The following MBOAT7 variants were observed in gnomAD, a reference collection of about 807,000 sequenced individuals.
MBOAT7 encodes the protein membrane bound acylglycerophosphatidylinositol O-acyltransferase MBOAT7.
MBOAT7 carries 40 observed loss-of-function variants against 47.4 expected under a neutral mutation model. The ratio of observed to expected loss-of-function variants is 0.84; its 90% CI spans 0.66 to 1.10. MBOAT7 has a LOEUF of 1.10. Ranked by LOEUF, MBOAT7 falls within the 50% of genes least tolerant of loss-of-function variation. The pLI is 0.00. For synonymous variants in MBOAT7, 361 were observed against 292.0 expected, an observed-to-expected ratio of 1.24 and a Z score of -2.41; for missense variants, 680 against 655.6, an observed-to-expected ratio of 1.04 and a Z score of -0.41.
chr19:54,182,847 C>T (rs2076326746), intron 5 of MBOAT7, among the ~76,000 whole-genome samples: 2 of 151,802 alleles, frequency 1.3e-5, no homozygotes. Flanking sequence ...ATTACAGGCA[C>T]ACACCACCAT....
At chr19:54,183,239 G>A (rs964462956) in intron 5 of MBOAT7, among the ~76,000 whole-genome samples, 2 of 152,182 alleles carry the variant, frequency 1.3e-5, no homozygotes, top group Non-Finnish European at 2.9e-5. Flanking sequence ...AAAACATCAG[G>A]TTGACATAGA....
Position 54,178,948 on chromosome 19 carries a change from G to A in MBOAT7, c.855-7C>T, listed in dbSNP as rs781562749. The stretch of plus-strand genomic sequence containing the variant: ...GGAAGCCGCCTTCTCCGGACTGGGG[G>A]GTGGAGGATGAGGGTGGGGGACAGA... On this transcript the variant is annotated splice_region_variant and splice_polypyrimidine_tract_variant and intron_variant, in intron 6 of 7. Transcript: ENST00000245615. 16 of 1,611,984 alleles carry A rather than the reference G, an allele frequency of 9.9e-6. No homozygotes were observed. In the East Asian group the frequency reaches 1.3e-4, roughly 13 times the overall value.
Position 54,178,782 on chromosome 19 carries a change from G to A in MBOAT7, c.1014C>T (p.Ala338=), listed in dbSNP as rs1433819437. ...TCACTCACCGCAGGACATAGGAACG[G>A]GCAGGTGCGCTCTTGTAGATATACT... ...LAQYIYKSAP[A]RSYVLRSAWT... is the part of the protein sequence containing the mutation. The change falls in exon 7 of 8, where the codon GCC becomes GCT. Residue 338 remains alanine (A), a synonymous_variant. Coordinates refer to ENST00000245615, the MANE Select transcript of MBOAT7 (RefSeq NM_024298.5). The A allele has an allele frequency of 6.2e-7, 1 of 1,613,298 alleles. No homozygotes were observed. The highest frequency in any genetic ancestry group is 2.2e-5 in the East Asian group (1 of 44,902).
chr19:54,174,078 G>A lies in MBOAT7; in HGVS notation c.1385C>T (p.Thr462Ile). 6.2e-7 allele frequency: 1 copy of A among 1,606,346 alleles called. No homozygotes were observed. Among genetic ancestry groups the A allele is most frequent in the Non-Finnish European group, 8.5e-7 (1 of 1,177,246 alleles). Reference sequence around the variant, plus strand: ...CCGGAGCTTCTCCGGGGCAAGGCTGGTGGGCTGGGATGCTGCCTTCCGCCG... The same window carrying A: ...CCGGAGCTTCTCCGGGGCAAGGCTGATGGGCTGGGATGCTGCCTTCCGCCG... ...PSRRKAASQP[T>I]SLAPEKLREE Residue 462 changes from threonine to isoleucine, a missense_variant, in exon 8 of 8, where the codon ACC becomes ATC. Physicochemically the swap from Thr to Ile is moderately conservative, Grantham distance 89. Coordinates refer to ENST00000245615, the MANE Select transcript of MBOAT7 (RefSeq NM_024298.5).
Position 54,180,765 on chromosome 19 carries a change from C to A in MBOAT7, c.854+8G>T. 1.3e-6 allele frequency: 2 copies of A among 1,512,276 alleles called. No homozygotes were observed. The highest frequency in any genetic ancestry group is 1.8e-6 in the Non-Finnish European group (2 of 1,138,106). The allele number at this position is 1,512,276 out of a possible 1,614,324, so 93.7% of individuals were successfully genotyped here. On this transcript the variant is annotated splice_region_variant and intron_variant, in intron 6 of 7. Transcript: ENST00000245615. The surrounding 1 kb of genome is among the most constrained non-coding windows in gnomAD (Gnocchi z 5.2). ...GGGTCTTGGGAAGCCTCCCTCGCGCCGCCTGACCTGCTGGGGGGTGGGCAT... is the reference window on the plus strand; with the variant it reads ...GGGTCTTGGGAAGCCTCCCTCGCGCAGCCTGACCTGCTGGGGGGTGGGCAT...
In MBOAT7 at chr19:54,173,777, T is replaced by G; in HGVS notation, c.*267A>C. 2.3e-6 allele frequency: 1 copy of G among 432,786 alleles called. No homozygotes were observed. The highest frequency in any genetic ancestry group is 3.7e-5 in the East Asian group (1 of 26,700). The allele number at this position is 432,786 out of a possible 1,614,324, so 26.8% of individuals were successfully genotyped here. ...CCCCTTCCGTTTTGGGGAAGTGCAG[T>G]GCTCTCTGGATACCCAGAAGCTGGA... On this transcript the variant is annotated 3_prime_UTR_variant, in exon 8 of 8. Transcript: ENST00000245615.
chr19:54,175,256 G>GCA (rs2146959810), intron 7 of MBOAT7, among the ~76,000 whole-genome samples: 1 of 152,312 alleles, frequency 6.6e-6, no homozygotes, highest in Non-Finnish European at 1.5e-5. Flanking sequence ...GGGATCACAG[G>GCA]TGTCAGACAC....
Position 54,174,433 on chromosome 19 carries a change from TGAG to T in MBOAT7, c.1032-5_1032-3del, listed in dbSNP as rs745352988. The T allele has an allele frequency of 2.5e-5, 39 of 1,538,452 alleles. No homozygotes were observed. Among genetic ancestry groups the T allele is most frequent in the Middle Eastern group, 1.8e-4 (1 of 5,552 alleles). On this transcript the variant is annotated splice_polypyrimidine_tract_variant and splice_region_variant and intron_variant, in intron 7 of 7. Transcript: ENST00000245615. ...CTCAGCAGCATGGTCCAGGCGCTCCTGAGGAGGAGGCTGGGAGTCAGGACCTAC... is the reference window on the plus strand; with the variant it reads ...CTCAGCAGCATGGTCCAGGCGCTCCTGAGGAGGCTGGGAGTCAGGACCTAC...
chr19:54,176,147 G>A lies in MBOAT7; in HGVS notation c.1032-1716C>T, dbSNP rs145092969. ...TGGGATTACAGGTCTGAGCCACCGC[G>A]CCCAGCCTCTTTTTTTTTCTTTGTA... On this transcript the variant is annotated intron_variant, in intron 7 of 7. Transcript: ENST00000245615. Among the ~76,000 whole-genome samples, 660 of 152,072 alleles carry A rather than the reference G, an allele frequency of 4.3e-3. 4 individuals are homozygous for A. The highest frequency in any genetic ancestry group is 0.015 in the African/African-American group (618 of 41,486).
At position 54,180,737 on chromosome 19, in the gene MBOAT7, G is replaced by C. The variant is rs746576055; in HGVS notation, c.854+36C>G. 1 of 1,465,840 alleles carries C rather than the reference G, an allele frequency of 6.8e-7. No individual in the cohort carries two copies. Among genetic ancestry groups the C allele is most frequent in the East Asian group, 2.4e-5 (1 of 41,070 alleles). 90.8% of individuals were successfully genotyped at this position (1,465,840 alleles called of 1,614,324 possible). A position where few individuals can be genotyped will look rare whatever the true frequency, so the allele number is the denominator to read the frequency against. ...GAGCCAGCCCTTGGAGGTGGGGGCT[G>C]CTGGGTCTTGGGAAGCCTCCCTCGC... On this transcript the variant is annotated intron_variant, in intron 6 of 7. Transcript: ENST00000245615. This position sits in a 1 kb window ranked among gnomAD's most constrained non-coding sequence, Gnocchi z 5.2.
intron 7 of MBOAT7, among the ~76,000 whole-genome samples, chr19:54,176,135 C>G (rs943167997): frequency 9.9e-5 from 15 of 151,906 alleles, no homozygotes; most frequent in Non-Finnish European, 1.8e-4. Flanking sequence ...GATTACAGGT[C>G]TGAGCCACCG....
intron 4 of MBOAT7, among the ~76,000 whole-genome samples, chr19:54,186,795 C>T (rs1488048281): frequency 2.0e-5 from 3 of 152,188 alleles, no homozygotes; most frequent in Non-Finnish European, 4.4e-5. Context: ...AGTTTTGTTC[C>T]CTTCACCAAG....
chr19:54,180,953 C>T lies in MBOAT7; in HGVS notation c.674G>A (p.Arg225His), dbSNP rs546898988. Residue 225 changes from arginine (R) to histidine (H), a missense_variant, in exon 6 of 8, where the codon CGC (arginine) becomes CAC (histidine). Arg to His is a conservative substitution (Grantham distance 29). Coordinates refer to ENST00000245615, the MANE Select transcript of MBOAT7 (RefSeq NM_024298.5). This position sits in a 1 kb window ranked among gnomAD's most constrained non-coding sequence, Gnocchi z 5.2. ...GTAGAAGAGGCGGGCGGGCAGCGGG[C>T]GGGCGTAGAAGGCGTCCTCGCGCAC... is the stretch of plus-strand genomic sequence containing the variant. ...EAVREDAFYA[R>H]PLPARLFYMI... 1.1e-5 allele frequency: 17 copies of T among 1,581,614 alleles called. No individual in the cohort carries two copies. The highest frequency in any genetic ancestry group is 2.3e-5 in the South Asian group (2 of 86,950).
Position 54,178,907 on chromosome 19 carries a change from CAT to C in MBOAT7, c.887_888del (p.Tyr296Ter). 1 of 1,613,356 alleles carries C rather than the reference CAT, an allele frequency of 6.2e-7. No individual in the cohort carries two copies. Among genetic ancestry groups the C allele is most frequent in the Non-Finnish European group, 8.5e-7 (1 of 1,180,002 alleles). ...PEKAASLEYD[Y>X]ETIRNIDCYS... The stretch of plus-strand genomic sequence containing the variant: ...TAGCAGTCGATGTTGCGGATGGTCT[CAT>C]AGTCATACTCCAAGGAAGCCGCCTT... On this transcript the variant is annotated frameshift_variant, in exon 7 of 8. Coordinates refer to ENST00000245615, the MANE Select transcript of MBOAT7 (RefSeq NM_024298.5). LOFTEE classifies it high-confidence loss of function.
At chr19:54,184,281 C>T (rs527259370) in intron 4 of MBOAT7, among the ~76,000 whole-genome samples, 1 of 150,620 alleles carries the variant, frequency 6.6e-6, no homozygotes, top group Admixed American at 6.6e-5. Context: ...TCTCATGCCT[C>T]AGCTGGCCAG....
At chr19:54,176,305 A>G (rs1008605302) in intron 7 of MBOAT7, among the ~76,000 whole-genome samples, 4 of 152,058 alleles carry the variant, frequency 2.6e-5, no homozygotes, top group Non-Finnish European at 5.9e-5. Flanking sequence ...TGTTTTCTTG[A>G]GAAGGGAGGA....
Position 54,173,744 on chromosome 19 carries a change from C to T in MBOAT7, c.*300G>A. 2.6e-6 allele frequency: 1 copy of T among 381,658 alleles called. No individual in the cohort carries two copies. The allele number at this position is 381,658 out of a possible 1,614,324, so 23.6% of individuals were successfully genotyped here. A position where few individuals can be genotyped will look rare whatever the true frequency, so the allele number is the denominator to read the frequency against. On this transcript the variant is annotated 3_prime_UTR_variant, in exon 8 of 8. Coordinates refer to ENST00000245615, the MANE Select transcript of MBOAT7 (RefSeq NM_024298.5). Reference sequence around the variant, plus strand: ...AAGGGAATTTGCCCAAAACCCACTGCCCAGGGGCCCCTTCCGTTTTGGGGA... The same window carrying T: ...AAGGGAATTTGCCCAAAACCCACTGTCCAGGGGCCCCTTCCGTTTTGGGGA...
At chr19:54,188,583 T>C (rs553077819) in intron 1 of MBOAT7, 72 bp from the exon 2 acceptor site, 122 of 1,445,820 alleles carry the variant, frequency 8.4e-5, no homozygotes, top group Non-Finnish European at 1.1e-4. Flanking sequence ...TCTTCGAGGA[T>C]CCAGGAACCC....
chr19:54,183,417 G>C (rs2076340173), intron 5 of MBOAT7, 104 bp downstream of exon 5: 2 of 1,339,018 alleles, frequency 1.5e-6, no homozygotes, highest in Non-Finnish European at 2.1e-6. Flanking sequence ...GCAGATGCTA[G>C]GATGGAGGTT....
Sources: allele counts gnomAD v4.1 joint callset (sites outside exome capture counted in the v4.1 genomes callset), GRCh38; gene constraint gnomAD v4.1.1; non-coding constraint Gnocchi (gnomAD v3.1); transcripts MANE v1.5; gene names NCBI Gene and HGNC (gene_info 2026-07-23, HGNC 2026-07-21).